Variants in UBE2E2 observed in about 807,000 individuals in gnomAD.
The protein encoded by UBE2E2 is ubiquitin-conjugating enzyme E2 E2.
Under a neutral mutation model 24.7 loss-of-function variants are expected in UBE2E2, and 6 were observed. The observed-to-expected ratio is 0.24, with a 90% CI of 0.13 to 0.48. The LOEUF (loss-of-function observed/expected upper bound fraction) is 0.48, where lower values mean the gene tolerates loss of function less well. UBE2E2 is among the 20% of genes least tolerant of loss of function. The pLI is 0.99. For synonymous variants in UBE2E2, 104 were observed against 83.6 expected (o/e 1.24, Z -1.33); for missense variants, 169 against 245.0 (o/e 0.69, Z 2.07).
At chr3:23,288,821 A>AT (rs912667579) in intron 3 of UBE2E2, among the ~76,000 whole-genome samples, 1 of 152,188 alleles carries the variant, frequency 6.6e-6, no homozygotes, top group East Asian at 1.9e-4. Context: ...GTCTAGAAAT[A>AT]TTTTTTCAAA....
intron 5 of UBE2E2, among the ~76,000 whole-genome samples, chr3:23,534,531 A>T (rs1373309942): frequency 6.6e-6 from 1 of 152,236 alleles, no homozygotes; most frequent in Non-Finnish European, 1.5e-5. Context: ...GAATTTGTAA[A>T]ATACATGCTA....
rs532030408 is a variant in UBE2E2 at position 23,526,595 on chromosome 3, A to G, written c.361-5959A>G. On this transcript the variant is annotated intron_variant, in intron 4 of 5. Transcript: ENST00000396703. Reference sequence around the variant, plus strand: ...CTGCAAGTATAGTATTGAAGTAGGAATATGATGGCAGGACCCCCAAAGAGG... The same window carrying G: ...CTGCAAGTATAGTATTGAAGTAGGAGTATGATGGCAGGACCCCCAAAGAGG... Among the ~76,000 whole-genome samples, 6 of 151,246 alleles carry G rather than the reference A, an allele frequency of 4.0e-5. No individual in the cohort carries two copies. In the East Asian group the frequency reaches 1.2e-3, roughly 29 times the overall value.
intron 3 of UBE2E2, among the ~76,000 whole-genome samples, chr3:23,324,101 A>G (rs950116943): frequency 5.9e-5 from 9 of 152,082 alleles, no homozygotes; most frequent in African/African-American, 1.9e-4. Context: ...TTCTTTGACT[A>G]CTTACTATAT....
chr3:23,569,754 A>G (rs907186632), intron 5 of UBE2E2, among the ~76,000 whole-genome samples: 6 of 152,236 alleles, frequency 3.9e-5, no homozygotes, highest in African/African-American at 1.4e-4. Flanking sequence ...AGTTTATTCT[A>G]AAAGGACATT....
intron 4 of UBE2E2, among the ~76,000 whole-genome samples, chr3:23,512,835 C>T (rs1203938336): frequency 1.3e-5 from 2 of 152,226 alleles, no homozygotes; most frequent in South Asian, 2.1e-4. Context: ...ATTCCAGCTA[C>T]TCAGTAGGCC....
At chr3:23,223,091 C>T (rs959950649) in intron 3 of UBE2E2, among the ~76,000 whole-genome samples, 5 of 130,888 alleles carry the variant, frequency 3.8e-5, no homozygotes, top group African/African-American at 1.4e-4. Context: ...GTGATCTCTG[C>T]TCACTGTAAC....
intron 4 of UBE2E2, among the ~76,000 whole-genome samples, chr3:23,522,485 G>T (rs566307929): frequency 7.6e-4 from 115 of 152,176 alleles, no homozygotes; most frequent in Admixed American, 2.0e-3. Flanking sequence ...TTGCTTTTTT[G>T]AGTAAATTTT....
At chr3:23,560,881 T>G (rs574287655) in intron 5 of UBE2E2, among the ~76,000 whole-genome samples, 1 of 152,362 alleles carries the variant, frequency 6.6e-6, no homozygotes, top group South Asian at 2.1e-4. Flanking sequence ...GAGAAGTGTC[T>G]GTTCATATCC....
At chr3:23,485,995 C>G (rs997714682) in intron 3 of UBE2E2, among the ~76,000 whole-genome samples, 1 of 152,158 alleles carries the variant, frequency 6.6e-6, no homozygotes. Context: ...GCTTCACCAG[C>G]TGGAAACGTC....
intron 4 of UBE2E2, among the ~76,000 whole-genome samples, chr3:23,514,769 A>G (rs1034641780): frequency 2.0e-5 from 3 of 152,110 alleles, no homozygotes; most frequent in African/African-American, 7.2e-5. Flanking sequence ...GAGGGGTTTC[A>G]TTCAAACAAA....
chr3:23,380,510 C>T (rs1190777431), intron 3 of UBE2E2, among the ~76,000 whole-genome samples: 1 of 152,208 alleles, frequency 6.6e-6, no homozygotes, highest in Non-Finnish European at 1.5e-5. Context: ...AGACGTGAGC[C>T]ACCGGTGCCC....
intron 3 of UBE2E2, among the ~76,000 whole-genome samples, chr3:23,399,708 G>A (rs577685424): frequency 1.3e-5 from 2 of 152,300 alleles, no homozygotes; most frequent in South Asian, 4.1e-4. Flanking sequence ...TAAACATTTA[G>A]CATGTAACCA....
chr3:23,361,816 A>G (rs940687201), intron 3 of UBE2E2, among the ~76,000 whole-genome samples: 1 of 152,210 alleles, frequency 6.6e-6, no homozygotes, highest in Non-Finnish European at 1.5e-5. Flanking sequence ...CTATTCATAT[A>G]AAAATAATAA....
In UBE2E2 at chr3:23,571,729, T is replaced by A. The variant is rs76824246; in HGVS notation, c.509-18005T>A. Among the ~76,000 whole-genome samples, 85 of 152,246 alleles carry A rather than the reference T, an allele frequency of 5.6e-4. 3 individuals carry two copies. In the East Asian group the frequency reaches 0.015, roughly 27 times the overall value. On this transcript the variant is annotated intron_variant, in intron 5 of 5. Transcript: ENST00000396703. The stretch of plus-strand genomic sequence containing the variant: ...TAAGCAACTCATATCTGATTTAAAT[T>A]TCCAGACAGGGATAACACTCAAGAG...
intron 3 of UBE2E2, among the ~76,000 whole-genome samples, chr3:23,426,252 G>A (rs1697921459): frequency 6.6e-6 from 1 of 151,992 alleles, no homozygotes; most frequent in Non-Finnish European, 1.5e-5. Flanking sequence ...AAGAACTGTG[G>A]AACAACAATA....
In UBE2E2 at chr3:23,298,456, C is replaced by T. The variant is rs200961484; in HGVS notation, c.227+81144C>T. Among the ~76,000 whole-genome samples the T allele has an allele frequency of 2.9e-3, 444 of 152,188 alleles. 2 individuals are homozygous for T. Among genetic ancestry groups the T allele is most frequent in the African/African-American group, 9.6e-3 (399 of 41,512 alleles). On this transcript the variant is annotated intron_variant, in intron 3 of 5. Coordinates refer to ENST00000396703, the MANE Select transcript of UBE2E2 (RefSeq NM_152653.4). Reference sequence around the variant, plus strand: ...AGATAGCTCTTATTATTTTGAGATACGTCCCATCAATACCTAATTTATTGA... The same window carrying T: ...AGATAGCTCTTATTATTTTGAGATATGTCCCATCAATACCTAATTTATTGA...
At chr3:23,492,513 A>G (rs1378123130) in intron 3 of UBE2E2, among the ~76,000 whole-genome samples, 3 of 152,206 alleles carry the variant, frequency 2.0e-5, no homozygotes, top group African/African-American at 7.2e-5. Context: ...GCAGACAGCA[A>G]TTCTCACTTG....
chr3:23,425,474 A>G (rs1697904447), intron 3 of UBE2E2, among the ~76,000 whole-genome samples: 1 of 152,224 alleles, frequency 6.6e-6, no homozygotes, highest in Non-Finnish European at 1.5e-5. Context: ...CATTACGTCA[A>G]AAAATAAACA....
chr3:23,217,868 T>G (rs1364828156), intron 3 of UBE2E2, among the ~76,000 whole-genome samples: 1 of 152,134 alleles, frequency 6.6e-6, no homozygotes, highest in Non-Finnish European at 1.5e-5. Flanking sequence ...TGTTTACTTT[T>G]AGGAAAGAAA....
Sources: allele counts gnomAD v4.1 joint callset (sites outside exome capture counted in the v4.1 genomes callset), GRCh38; gene constraint gnomAD v4.1.1; transcripts MANE v1.5; gene names NCBI Gene and HGNC (gene_info 2026-07-23, HGNC 2026-07-21).